The following CPEB3 variants were observed in gnomAD, a reference collection of about 807,000 sequenced individuals.
The protein encoded by CPEB3 is cytoplasmic polyadenylation element binding protein 3.
A neutral mutation model predicts 67.2 loss-of-function variants in CPEB3; 20 were observed. That is an observed-to-expected ratio of 0.30 (90% confidence interval 0.21 to 0.43). CPEB3 has a LOEUF of 0.43. Ranked by LOEUF, CPEB3 falls within the 20% of genes least tolerant of loss-of-function variation. The pLI is 1.00. For missense variants in CPEB3, 746 were observed against 968.6 expected, an observed-to-expected ratio of 0.77 and a Z score of 3.05; for synonymous variants, 376 against 393.1, an observed-to-expected ratio of 0.96 and a Z score of 0.51.
chr10:92,190,664 T>G (rs868239205), intron 3 of CPEB3, among the ~76,000 whole-genome samples: 1 of 25,810 alleles, frequency 3.9e-5, no homozygotes, highest in South Asian at 2.2e-3. Flanking sequence ...AAACTCCATC[T>G]CAAAAAAAAA....
At chr10:92,182,023 C>T (rs1848483698) in intron 3 of CPEB3, among the ~76,000 whole-genome samples, 1 of 151,992 alleles carries the variant, frequency 6.6e-6, no homozygotes. Flanking sequence ...ACTTAGAAAG[C>T]TTTCTTGACC....
intron 9 of CPEB3, among the ~76,000 whole-genome samples, chr10:92,057,237 C>T (rs1842146287): frequency 6.6e-6 from 1 of 152,176 alleles, no homozygotes; most frequent in Non-Finnish European, 1.5e-5. Context: ...GCCTAGTGCC[C>T]TGAAATATGG....
At chr10:92,137,151 T>C in intron 6 of CPEB3, 1 of 358,076 alleles carries the variant, frequency 2.8e-6, no homozygotes, top group Non-Finnish European at 5.3e-6. Context: ...ATCTAAAGGC[T>C]ACCCACACCT....
At chr10:92,112,494 A>G (rs566964044) in intron 6 of CPEB3, among the ~76,000 whole-genome samples, 10 of 152,310 alleles carry the variant, frequency 6.6e-5, no homozygotes, top group African/African-American at 2.4e-4. Context: ...ACAAACATTT[A>G]GACAATTAAC....
Position 92,274,159 on chromosome 10 carries a change from A to G in CPEB3, c.-12+16767T>C, listed in dbSNP as rs952888558. 1.2e-4 allele frequency among the ~76,000 whole-genome samples: 19 copies of G among 152,214 alleles called. 1 individual carries two copies. Among genetic ancestry groups the G allele is most frequent in the Non-Finnish European group, 2.6e-4 (18 of 68,044 alleles). On this transcript the variant is annotated intron_variant, in intron 1 of 9. Coordinates refer to ENST00000265997, the MANE Select transcript of CPEB3 (RefSeq NM_014912.5). ...TTCTCATCTATGAAATGAAAGACATATCCACCAACCTGAAAGGGTTGTCGT... is the reference window on the plus strand; with the variant it reads ...TTCTCATCTATGAAATGAAAGACATGTCCACCAACCTGAAAGGGTTGTCGT...
At chr10:92,279,173 T>A (rs1842142012) in intron 1 of CPEB3, among the ~76,000 whole-genome samples, 1 of 152,154 alleles carries the variant, frequency 6.6e-6, no homozygotes, top group Non-Finnish European at 1.5e-5. Flanking sequence ...TGGCTACAGA[T>A]TTTTTTGTAG....
At chr10:92,209,454 G>C (rs1401724024) in intron 2 of CPEB3, among the ~76,000 whole-genome samples, 2 of 152,154 alleles carry the variant, frequency 1.3e-5, no homozygotes, top group African/African-American at 4.8e-5. Flanking sequence ...GAACCCAGGA[G>C]GGAGAGGTTG....
At chr10:92,285,165 A>G (rs1564933227) in intron 1 of CPEB3, among the ~76,000 whole-genome samples, 1 of 152,256 alleles carries the variant, frequency 6.6e-6, no homozygotes, top group Non-Finnish European at 1.5e-5. Context: ...CATTCCCTTG[A>G]TAACTATATT....
chr10:92,186,063 C>T (rs1357135122), intron 3 of CPEB3, among the ~76,000 whole-genome samples: 2 of 151,840 alleles, frequency 1.3e-5, no homozygotes, highest in African/African-American at 2.4e-5. Context: ...AGACTGTACT[C>T]GAGAACAATT....
At chr10:92,258,645 T>C (rs1179919961) in intron 1 of CPEB3, among the ~76,000 whole-genome samples, 35 of 32,570 alleles carry the variant, frequency 1.1e-3, no homozygotes, top group East Asian at 6.4e-3. Context: ...TATATATATA[T>C]ATATATATAT....
intron 6 of CPEB3, among the ~76,000 whole-genome samples, chr10:92,127,430 C>A (rs1264002789): frequency 5.3e-5 from 8 of 152,072 alleles, no homozygotes; most frequent in African/African-American, 1.9e-4. Flanking sequence ...AAATCTAGCA[C>A]TTTGGGAGAC....
At chr10:92,115,931 C>T (rs11186831) in intron 6 of CPEB3, among the ~76,000 whole-genome samples, 54,112 of 147,400 alleles carry the variant, frequency 0.37, 9,179 homozygotes, top group African/African-American at 0.52. Flanking sequence ...GTTATGTAAA[C>T]GTGCAGACCT....
At chr10:92,172,168 C>T (rs1306300415) in intron 4 of CPEB3, among the ~76,000 whole-genome samples, 2 of 152,050 alleles carry the variant, frequency 1.3e-5, no homozygotes, top group African/African-American at 4.8e-5. Flanking sequence ...AAATAAAAGA[C>T]ACAGGTAACT....
At chr10:92,265,244 T>C (rs949850783) in intron 1 of CPEB3, among the ~76,000 whole-genome samples, 4 of 152,130 alleles carry the variant, frequency 2.6e-5, no homozygotes, top group African/African-American at 9.7e-5. Flanking sequence ...TGTTGGGCCT[T>C]TTACCTTTCT....
intron 2 of CPEB3, among the ~76,000 whole-genome samples, chr10:92,193,777 G>A (rs1849096694): frequency 6.6e-6 from 1 of 151,646 alleles, no homozygotes; most frequent in Non-Finnish European, 1.5e-5. Flanking sequence ...AAATGTATTG[G>A]ATATCTTTAA....
At chr10:92,149,941 A>G (rs1846880568) in intron 4 of CPEB3, among the ~76,000 whole-genome samples, 1 of 152,226 alleles carries the variant, frequency 6.6e-6, no homozygotes, top group Non-Finnish European at 1.5e-5. Context: ...TGTGAAGTAT[A>G]TGCAGCCCTG....
intron 4 of CPEB3, among the ~76,000 whole-genome samples, chr10:92,180,452 C>T (rs1191179523): frequency 6.6e-6 from 1 of 152,204 alleles, no homozygotes; most frequent in African/African-American, 2.4e-5. Context: ...ATTCCTCCAA[C>T]CCAATGGTAT....
chr10:92,205,463 T>C (rs1849736624), intron 2 of CPEB3, among the ~76,000 whole-genome samples: 1 of 149,960 alleles, frequency 6.7e-6, no homozygotes. Context: ...AAATATTAAA[T>C]TCAGTCCTTT....
intron 4 of CPEB3, among the ~76,000 whole-genome samples, chr10:92,172,018 C>T (rs888002296): frequency 5.3e-5 from 8 of 152,160 alleles, no homozygotes; most frequent in East Asian, 3.9e-4. Context: ...GACACAGGCT[C>T]GGTGCAGTAG....
Sources: gnomAD v4.1 joint callset for allele counts (sites outside exome capture counted in the v4.1 genomes callset) on GRCh38, gnomAD v4.1.1 for gene constraint, MANE v1.5 for transcripts, NCBI Gene and HGNC (gene_info 2026-07-23, HGNC 2026-07-21) for gene names.